The following CYYR1 variants were observed in gnomAD, a reference collection of about 807,000 sequenced individuals.
CYYR1 encodes the protein cysteine and tyrosine-rich protein 1.
A neutral mutation model predicts 15.2 loss-of-function variants in CYYR1; 14 were observed. The ratio of observed to expected loss-of-function variants is 0.92; its 90% CI spans 0.61 to 1.44. The LOEUF (loss-of-function observed/expected upper bound fraction) is 1.44, where lower values mean the gene tolerates loss of function less well. CYYR1 is among the 40% of genes most tolerant of loss of function. The pLI is 0.00. For synonymous variants in CYYR1, 80 were observed against 77.4 expected (o/e 1.03, Z -0.18); for missense variants, 228 against 209.5 (o/e 1.09, Z -0.54).
chr21:26,483,079 A>G (rs1294814073), intron 2 of CYYR1, among the ~76,000 whole-genome samples: 1 of 151,908 alleles, frequency 6.6e-6, no homozygotes, highest in East Asian at 1.9e-4. Flanking sequence ...TCTTTTTTAA[A>G]ATCCTTTTTA....
At chr21:26,500,929 G>C (rs1204186245) in intron 2 of CYYR1, among the ~76,000 whole-genome samples, 2 of 152,186 alleles carry the variant, frequency 1.3e-5, no homozygotes, top group Admixed American at 1.3e-4. Context: ...GTGGGACAGA[G>C]TTGTGTTTTG....
chr21:26,559,289 C>T (rs2123709057), intron 2 of CYYR1, among the ~76,000 whole-genome samples: 1 of 152,090 alleles, frequency 6.6e-6, no homozygotes, highest in African/African-American at 2.4e-5. Flanking sequence ...CACACATTGC[C>T]CATTATCCTA....
chr21:26,523,666 G>A (rs2065829338), intron 2 of CYYR1, among the ~76,000 whole-genome samples: 1 of 152,008 alleles, frequency 6.6e-6, no homozygotes, highest in Admixed American at 6.6e-5. Flanking sequence ...CTAAATCTTT[G>A]GCTAGAAATA....
At chr21:26,558,757 T>C (rs553672964) in intron 2 of CYYR1, among the ~76,000 whole-genome samples, 2 of 152,358 alleles carry the variant, frequency 1.3e-5, no homozygotes, top group South Asian at 4.1e-4. Flanking sequence ...GCTCTTCAGT[T>C]AGCTCTTCAC....
intron 2 of CYYR1, among the ~76,000 whole-genome samples, chr21:26,498,805 CAG>C (rs912816798): frequency 1.3e-5 from 2 of 152,118 alleles, no homozygotes; most frequent in Admixed American, 6.5e-5. Flanking sequence ...CGGCAGGAGA[CAG>C]AAGTGCTGAG....
chr21:26,560,965 C>T (rs551343738), intron 2 of CYYR1, among the ~76,000 whole-genome samples: 65 of 152,310 alleles, frequency 4.3e-4, no homozygotes, highest in African/African-American at 1.5e-3. Flanking sequence ...AAAACCAATT[C>T]TGTTTCTGAC....
At chr21:26,534,541 A>T (rs949047100) in intron 2 of CYYR1, among the ~76,000 whole-genome samples, 9 of 152,038 alleles carry the variant, frequency 5.9e-5, no homozygotes, top group African/African-American at 2.2e-4. Context: ...GAGACTGGAG[A>T]TGGAGAGGAA....
chr21:26,566,267 A>T lies in CYYR1; in HGVS notation c.175T>A (p.Ser59Thr). ...SYYAYIGNIL[S>T]GTAIAGIVFG... is the part of the protein sequence containing the mutation. ...TTGCCAAATCTGACGAATACTCACG[A>T]GAGGATATTCCCAATATAAGCGTAG... The change falls in exon 2 of 4, where the codon TCG becomes ACG. Residue 59 changes from serine (S) to threonine (T), a missense_variant and splice_region_variant. Physicochemically the swap from Ser to Thr is moderately conservative, Grantham distance 58 (BLOSUM62 1). Coordinates refer to ENST00000652641, the MANE Select transcript of CYYR1 (RefSeq NM_001320768.2). The T allele has an allele frequency of 6.2e-7, 1 of 1,610,720 alleles. No individual in the cohort carries two copies. Among genetic ancestry groups the T allele is most frequent in the Non-Finnish European group, 8.5e-7 (1 of 1,177,032 alleles).
chr21:26,569,508 C>T (rs111661583), intron 1 of CYYR1, among the ~76,000 whole-genome samples: 4,194 of 152,182 alleles, frequency 0.028, 61 homozygotes, highest in African/African-American at 0.041. Context: ...ACCTGGGTGA[C>T]GGGATCCATT....
intron 2 of CYYR1, among the ~76,000 whole-genome samples, chr21:26,541,919 G>A (rs1481842852): frequency 6.6e-6 from 1 of 152,050 alleles, no homozygotes; most frequent in African/African-American, 2.4e-5. Flanking sequence ...AATTAAAATG[G>A]AATTCTAAAA....
rs1490676575 is a variant in CYYR1 at position 26,480,344 on chromosome 21, T to C, written c.262A>G (p.Met88Val). 24 of 1,613,548 alleles carry C rather than the reference T, an allele frequency of 1.5e-5. No homozygotes were observed. Among genetic ancestry groups the C allele is most frequent in the Non-Finnish European group, 1.9e-5 (23 of 1,179,746 alleles). The change falls in exon 3 of 4, where the codon ATG becomes GTG. Residue 88 changes from methionine to valine, a missense_variant. Transcript: ENST00000652641. ...ACGCGGGTCGCCCTGTGGTTCTTCA[T>C]GCACATGCAGATGCATATGGCAATC... ...AGIAICICMC[M>V]KNHRATRVGI...
At chr21:26,494,685 T>C (rs1031445005) in intron 2 of CYYR1, among the ~76,000 whole-genome samples, 2 of 152,180 alleles carry the variant, frequency 1.3e-5, no homozygotes, top group African/African-American at 4.8e-5. Context: ...TCTATGCTTG[T>C]ATACACAAAC....
chr21:26,563,084 A>AC (rs956076833), intron 2 of CYYR1, among the ~76,000 whole-genome samples: 28 of 152,158 alleles, frequency 1.8e-4, no homozygotes, highest in African/African-American at 6.5e-4. Flanking sequence ...TCTGGATAAT[A>AC]CTGATTCTCC....
chr21:26,564,810 C>A (rs1188183971), intron 2 of CYYR1: 5 of 1,248,290 alleles, frequency 4.0e-6, no homozygotes, highest in South Asian at 1.4e-5. Flanking sequence ...CGCACCTCTA[C>A]CTGGGACAGC....
chr21:26,569,443 G>A (rs893944368), intron 1 of CYYR1, among the ~76,000 whole-genome samples: 5 of 152,090 alleles, frequency 3.3e-5, no homozygotes, highest in Non-Finnish European at 7.4e-5. Context: ...TCTAGAGCAG[G>A]GAGGAAAGGG....
intron 2 of CYYR1, among the ~76,000 whole-genome samples, chr21:26,548,227 T>C (rs779156460): frequency 6.6e-6 from 1 of 152,248 alleles, no homozygotes; most frequent in Non-Finnish European, 1.5e-5. Context: ...TTTATGTAAG[T>C]CTACATAAGT....
intron 2 of CYYR1, among the ~76,000 whole-genome samples, chr21:26,554,251 T>C (rs1979605947): frequency 6.6e-6 from 1 of 152,194 alleles, no homozygotes; most frequent in Non-Finnish European, 1.5e-5. Context: ...TATTGACATA[T>C]TGTCAATGGA....
At chr21:26,472,347 T>G (rs2065046196) in intron 3 of CYYR1, among the ~76,000 whole-genome samples, 1 of 152,126 alleles carries the variant, frequency 6.6e-6, no homozygotes, top group African/African-American at 2.4e-5. Flanking sequence ...ATTTTTTTTT[T>G]AGAATAAAAT....
intron 2 of CYYR1, among the ~76,000 whole-genome samples, chr21:26,516,523 TTC>T: frequency 6.6e-6 from 1 of 152,318 alleles, no homozygotes; most frequent in East Asian, 1.9e-4. Flanking sequence ...AGCTGAACGA[TTC>T]TGTTACATGA....
Sources: gnomAD v4.1 joint callset for allele counts (sites outside exome capture counted in the v4.1 genomes callset) on GRCh38, gnomAD v4.1.1 for gene constraint, MANE v1.5 for transcripts, NCBI Gene and HGNC (gene_info 2026-07-23, HGNC 2026-07-21) for gene names.